The following MARK1 variants were observed in gnomAD, a reference collection of about 807,000 sequenced individuals.
The protein encoded by MARK1 is serine/threonine-protein kinase MARK1.
In MARK1, 40 loss-of-function variants were observed where a neutral mutation model predicts 96.3. That is an observed-to-expected ratio of 0.42 (90% confidence interval 0.32 to 0.54). The LOEUF (loss-of-function observed/expected upper bound fraction) is 0.54, where lower values mean the gene tolerates loss of function less well. Ranked by LOEUF, MARK1 falls within the 20% of genes least tolerant of loss-of-function variation. The pLI is 0.16. For synonymous variants in MARK1, 317 were observed against 341.2 expected (o/e 0.93, Z 0.78); for missense variants, 719 against 984.6 (o/e 0.73, Z 3.61).
At position 220,618,762 on chromosome 1, in the gene MARK1, A is replaced by C. The variant is rs931815697; in HGVS notation, c.909+7A>C. 1.3e-6 allele frequency: 2 copies of C among 1,564,008 alleles called. No homozygotes were observed. Among genetic ancestry groups the C allele is most frequent in the Non-Finnish European group, 1.7e-6 (2 of 1,160,580 alleles). On this transcript the variant is annotated splice_region_variant and intron_variant, in intron 9 of 17. Transcript: ENST00000366917. This position sits in a 1 kb window ranked among gnomAD's most constrained non-coding sequence, Gnocchi z 4.6. ...AAAGAGAGGCAGCTTGGAAGTAAGTAAATTTTTGTACTCCAAATTTAAATT... is the reference window on the plus strand; with the variant it reads ...AAAGAGAGGCAGCTTGGAAGTAAGTCAATTTTTGTACTCCAAATTTAAATT...
In MARK1 at chr1:220,632,210, T is replaced by C; in HGVS notation, c.1019T>C (p.Val340Ala). The change falls in exon 11 of 18, where the codon GTC becomes GCC. Residue 340 changes from valine (V) to alanine (A), a missense_variant. Val to Ala is a moderately conservative substitution (Grantham distance 64). Transcript: ENST00000366917. ...FNDTKRIDIM[V>A]TMGFARDEIN... ...TTTTTTAAATTTCTAGACATTATGG[T>C]CACCATGGGCTTTGCACGAGATGAA... 2 of 1,422,222 alleles carry C rather than the reference T, an allele frequency of 1.4e-6. No individual in the cohort carries two copies. Among genetic ancestry groups the C allele is most frequent in the South Asian group, 1.7e-5 (1 of 59,398 alleles). 88.1% of individuals were successfully genotyped at this position (1,422,222 alleles called of 1,614,324 possible).
intron 3 of MARK1, among the ~76,000 whole-genome samples, chr1:220,591,767 T>C (rs1335675120): frequency 2.6e-5 from 4 of 152,200 alleles, no homozygotes; most frequent in African/African-American, 7.2e-5. Context: ...TTTTTGAGTT[T>C]GGTTCTGCCA....
intron 3 of MARK1, among the ~76,000 whole-genome samples, chr1:220,585,305 G>C (rs766989925): frequency 2.0e-5 from 3 of 152,192 alleles, no homozygotes; most frequent in Non-Finnish European, 4.4e-5. Context: ...GGAAGAATTG[G>C]TGGGAAGTAT....
At chr1:220,587,215 C>T (rs549103909) in intron 3 of MARK1, among the ~76,000 whole-genome samples, 2 of 151,898 alleles carry the variant, frequency 1.3e-5, no homozygotes, top group South Asian at 2.1e-4. Context: ...TTTCATTTAA[C>T]ATTGTCTTAT....
intron 1 of MARK1, among the ~76,000 whole-genome samples, chr1:220,573,492 T>G (rs544182077): frequency 3.0e-4 from 46 of 151,996 alleles, no homozygotes; most frequent in African/African-American, 1.1e-3. Flanking sequence ...CCTGGCTAAT[T>G]TTTTGTATTT....
intron 1 of MARK1, among the ~76,000 whole-genome samples, chr1:220,550,003 C>T (rs1452606918): frequency 6.6e-6 from 1 of 152,210 alleles, no homozygotes; most frequent in Non-Finnish European, 1.5e-5. Context: ...ACCCCACAGT[C>T]GTGATACAAC....
At chr1:220,538,353 G>A (rs1177867312) in intron 1 of MARK1, among the ~76,000 whole-genome samples, 2 of 150,558 alleles carry the variant, frequency 1.3e-5, no homozygotes, top group Non-Finnish European at 3.0e-5. Context: ...CCCATTGCTT[G>A]TTTTTCTCAG....
At chr1:220,617,574 T>C (rs1490639834) in intron 7 of MARK1, among the ~76,000 whole-genome samples, 1 of 152,244 alleles carries the variant, frequency 6.6e-6, no homozygotes, top group African/African-American at 2.4e-5. Flanking sequence ...TGCTTCTGTT[T>C]ACAAAAGGGA....
chr1:220,643,125 G>C (rs1668373934), intron 13 of MARK1, among the ~76,000 whole-genome samples: 1 of 152,204 alleles, frequency 6.6e-6, no homozygotes, highest in Non-Finnish European at 1.5e-5. Flanking sequence ...GACAGAAGTA[G>C]GCTTCAGAAA....
At chr1:220,561,267 T>G (rs1365636213) in intron 1 of MARK1, among the ~76,000 whole-genome samples, 1 of 152,212 alleles carries the variant, frequency 6.6e-6, no homozygotes, top group Non-Finnish European at 1.5e-5. Flanking sequence ...TGTATCAAGC[T>G]TGTCCAACCT....
intron 1 of MARK1, among the ~76,000 whole-genome samples, chr1:220,536,448 G>A (rs1195022537): frequency 6.7e-6 from 1 of 149,068 alleles, no homozygotes; most frequent in Non-Finnish European, 1.5e-5. Context: ...AAACTACTGT[G>A]TACATTTTAT....
At chr1:220,531,041 A>G (rs1660282433) in intron 1 of MARK1, among the ~76,000 whole-genome samples, 1 of 152,166 alleles carries the variant, frequency 6.6e-6, no homozygotes, top group South Asian at 2.1e-4. Flanking sequence ...ATCCCAAACA[A>G]GTAATGTATG....
intron 1 of MARK1, among the ~76,000 whole-genome samples, chr1:220,578,295 G>A (rs1263039743): frequency 6.6e-6 from 1 of 152,230 alleles, no homozygotes; most frequent in Non-Finnish European, 1.5e-5. Flanking sequence ...CTAGACAAGA[G>A]CAGGAACAAT....
At chr1:220,614,831 A>G (rs1357471307) in intron 6 of MARK1, among the ~76,000 whole-genome samples, 2 of 152,132 alleles carry the variant, frequency 1.3e-5, no homozygotes. Context: ...TCTGTCTTCA[A>G]ACCATTTTAA....
chr1:220,660,003 G>T (rs1024850432), intron 17 of MARK1, among the ~76,000 whole-genome samples: 1 of 152,184 alleles, frequency 6.6e-6, no homozygotes, highest in Non-Finnish European at 1.5e-5. Context: ...GGCCAGGCTG[G>T]TCTCAAACTC....
chr1:220,569,517 T>C (rs560525071), intron 1 of MARK1, among the ~76,000 whole-genome samples: 40 of 152,194 alleles, frequency 2.6e-4, no homozygotes, highest in African/African-American at 8.9e-4. Context: ...TTTCTTTGTC[T>C]TTGTGTTTTT....
intron 4 of MARK1, among the ~76,000 whole-genome samples, chr1:220,599,568 A>G (rs564115257): frequency 2.6e-5 from 4 of 152,228 alleles, no homozygotes; most frequent in Admixed American, 1.3e-4. Flanking sequence ...TTTTAATCCT[A>G]GAAACTTAAC....
chr1:220,542,108 A>G (rs889189973), intron 1 of MARK1, among the ~76,000 whole-genome samples: 1 of 151,864 alleles, frequency 6.6e-6, no homozygotes, highest in Admixed American at 6.6e-5. Flanking sequence ...CTTTTTCCCC[A>G]TCTGTTGAAT....
At chr1:220,637,173 T>C (rs1668011831) in intron 13 of MARK1, among the ~76,000 whole-genome samples, 1 of 152,164 alleles carries the variant, frequency 6.6e-6, no homozygotes, top group Non-Finnish European at 1.5e-5. Context: ...GAAATGAATC[T>C]AGAATGTTGC....
Sources: gnomAD v4.1 joint callset for allele counts (sites outside exome capture counted in the v4.1 genomes callset) on GRCh38, gnomAD v4.1.1 for gene constraint, Gnocchi (gnomAD v3.1) non-coding constraint, MANE v1.5 for transcripts, NCBI Gene and HGNC (gene_info 2026-07-23, HGNC 2026-07-21) for gene names.